TASP1: variants seen among roughly 807,000 people sequenced by gnomAD.
TASP1 encodes threonine aspartase 1.
A neutral mutation model predicts 56.6 loss-of-function variants in TASP1; 16 were observed. That is an observed-to-expected ratio of 0.28 (90% CI 0.19 to 0.43). The LOEUF (loss-of-function observed/expected upper bound fraction) is 0.43. Ranked by LOEUF, TASP1 falls within the 20% of genes least tolerant of loss-of-function variation. TASP1 has a pLI of 1.00. For missense variants in TASP1, 393 were observed against 511.6 expected, an observed-to-expected ratio of 0.77 and a Z score of 2.24; for synonymous variants, 179 against 184.2, an observed-to-expected ratio of 0.97 and a Z score of 0.23.
chr20:13,566,607 T>A (rs2046538067), intron 7 of TASP1, among the ~76,000 whole-genome samples: 1 of 151,242 alleles, frequency 6.6e-6, no homozygotes, highest in East Asian at 1.9e-4. Context: ...ATACCATTTA[T>A]ATTACATTCT....
At chr20:13,501,775 A>T (rs1601022296) in intron 10 of TASP1, among the ~76,000 whole-genome samples, 1 of 151,930 alleles carries the variant, frequency 6.6e-6, no homozygotes, top group Admixed American at 6.6e-5. Context: ...TTGTTTGTTT[A>T]TAAGAAATAT....
At chr20:13,520,353 C>T (rs1383445428) in intron 10 of TASP1, among the ~76,000 whole-genome samples, 3 of 152,284 alleles carry the variant, frequency 2.0e-5, no homozygotes, top group South Asian at 2.1e-4. Context: ...GGAGGCATCT[C>T]GCTACCTGAC....
the TASP1 span, among the ~76,000 whole-genome samples, chr20:13,361,563 T>C: frequency 6.6e-6 from 1 of 152,274 alleles, no homozygotes; most frequent in Non-Finnish European, 1.5e-5. Flanking sequence ...TTCAGGCCTG[T>C]CCTCAGGGTA....
At chr20:13,178,929 G>A in the TASP1 span, among the ~76,000 whole-genome samples, 509 of 152,156 alleles carry the variant, frequency 3.3e-3, 4 homozygotes, top group Admixed American at 5.6e-3. Context: ...GATTCTGAAT[G>A]TCCCCAACAC....
the TASP1 span, among the ~76,000 whole-genome samples, chr20:13,248,171 T>G: frequency 2.0e-5 from 3 of 152,360 alleles, no homozygotes; most frequent in South Asian, 6.2e-4. Flanking sequence ...CATTTCTTTG[T>G]GTGCACAAAT....
chr20:13,221,879 G>C, the TASP1 span: 2 of 1,407,754 alleles, frequency 1.4e-6, no homozygotes, highest in Non-Finnish European at 1.8e-6. Flanking sequence ...CGGGCCCGAC[G>C]CGGCCGCGGG....
the TASP1 span, among the ~76,000 whole-genome samples, chr20:13,302,730 C>A: frequency 6.6e-6 from 1 of 152,194 alleles, no homozygotes; most frequent in Non-Finnish European, 1.5e-5. Flanking sequence ...GCTCTTTTGC[C>A]TTCCCCTGGA....
chr20:13,338,977 C>T, the TASP1 span, among the ~76,000 whole-genome samples: 2 of 152,078 alleles, frequency 1.3e-5, no homozygotes, highest in African/African-American at 4.8e-5. Flanking sequence ...ATGCAATAGC[C>T]ACTTTCTAAG....
At chr20:13,199,882 C>T in the TASP1 span, among the ~76,000 whole-genome samples, 2 of 152,208 alleles carry the variant, frequency 1.3e-5, no homozygotes, top group Admixed American at 6.5e-5. Flanking sequence ...GCTGACTTCA[C>T]ACCTTTTGCA....
the TASP1 span, among the ~76,000 whole-genome samples, chr20:13,173,619 G>C: frequency 2.6e-5 from 4 of 152,178 alleles, no homozygotes. Context: ...AAGAACCATG[G>C]GCATGCTAAG....
At chr20:13,544,282 T>C (rs2045726457) in intron 8 of TASP1, among the ~76,000 whole-genome samples, 1 of 152,226 alleles carries the variant, frequency 6.6e-6, no homozygotes, top group Non-Finnish European at 1.5e-5. Context: ...GATCACACTT[T>C]TCTCATTTTT....
chr20:13,508,942 A>G (rs2044225890), intron 10 of TASP1, among the ~76,000 whole-genome samples: 3 of 152,168 alleles, frequency 2.0e-5, no homozygotes, highest in Admixed American at 1.3e-4. Flanking sequence ...TTCCTCAAAA[A>G]GTTAAAAACA....
the TASP1 span, among the ~76,000 whole-genome samples, chr20:13,265,269 T>C: frequency 0.01 from 1,550 of 152,290 alleles, 14 homozygotes; most frequent in Middle Eastern, 0.031. Context: ...ACAAGCCTTT[T>C]TTATTTCAGT....
chr20:13,198,474 A>G, the TASP1 span, among the ~76,000 whole-genome samples: 2 of 151,992 alleles, frequency 1.3e-5, no homozygotes, highest in Admixed American at 6.6e-5. Flanking sequence ...CAAAGTCCCC[A>G]CCTCCTAATA....
the TASP1 span, among the ~76,000 whole-genome samples, chr20:13,205,101 C>T: frequency 6.6e-6 from 1 of 152,102 alleles, no homozygotes; most frequent in Non-Finnish European, 1.5e-5. Flanking sequence ...TCAAATTGCT[C>T]CTCTGCTTGG....
At chr20:13,356,367 A>C in the TASP1 span, among the ~76,000 whole-genome samples, 35,552 of 151,974 alleles carry the variant, frequency 0.23, 5,497 homozygotes, top group African/African-American at 0.44. Context: ...GGGAAGTAAT[A>C]TACCTTTCTA....
At chr20:13,479,543 A>C (rs564276075) in intron 11 of TASP1, among the ~76,000 whole-genome samples, 2 of 151,804 alleles carry the variant, frequency 1.3e-5, no homozygotes, top group East Asian at 3.9e-4. Context: ...GCTCACTGCA[A>C]TCTCTGCCTC....
rs568707854 is a variant in TASP1, at chr20:13,476,260, A to G, written c.985+6967T>C. 4.6e-5 allele frequency among the ~76,000 whole-genome samples: 7 copies of G among 152,294 alleles called. No individual in the cohort carries two copies. In the South Asian group the frequency reaches 1.0e-3, roughly 23 times the overall value. ...TTTTATCCTTCTATTTTAGATTCAT[A>G]TATGAGATTTCTTTGAGATCTGAGC... On this transcript the variant is annotated intron_variant, in intron 11 of 13. Coordinates refer to ENST00000337743, the MANE Select transcript of TASP1 (RefSeq NM_017714.3).
the TASP1 span, among the ~76,000 whole-genome samples, chr20:13,113,693 T>C: frequency 1.3e-5 from 2 of 152,322 alleles, no homozygotes; most frequent in South Asian, 2.1e-4. Flanking sequence ...ATAATAAATA[T>C]TCAATGAGGT....
Sources: gnomAD v4.1 joint callset for allele counts (sites outside exome capture counted in the v4.1 genomes callset) on GRCh38, gnomAD v4.1.1 for gene constraint, MANE v1.5 for transcripts, NCBI Gene and HGNC (gene_info 2026-07-23, HGNC 2026-07-21) for gene names.